SEMA3E: variants seen among roughly 807,000 people sequenced by gnomAD.
SEMA3E encodes semaphorin-3E.
Under a neutral mutation model 93.6 loss-of-function variants are expected in SEMA3E, and 49 were observed. The observed-to-expected ratio is 0.52, with a 90% CI of 0.42 to 0.66. The LOEUF (loss-of-function observed/expected upper bound fraction) is 0.66. Ranked by LOEUF, SEMA3E falls within the 30% of genes least tolerant of loss-of-function variation. The pLI is 0.00. For synonymous variants in SEMA3E, 363 were observed against 330.7 expected (o/e 1.10, Z -1.06); for missense variants, 906 against 964.8 (o/e 0.94, Z 0.81).
chr7:83,516,959 G>A (rs7799273), intron 1 of SEMA3E, among the ~76,000 whole-genome samples: 21,976 of 148,828 alleles, frequency 0.15, 2,200 homozygotes, highest in Middle Eastern at 0.36. Flanking sequence ...ATATATATAT[G>A]TATATAAAAT....
chr7:83,508,430 T>C (rs1790748329), intron 1 of SEMA3E, among the ~76,000 whole-genome samples: 1 of 151,992 alleles, frequency 6.6e-6, no homozygotes, highest in African/African-American at 2.4e-5. Flanking sequence ...ACCCGGCTAA[T>C]TTTGTGTTTT....
At position 83,402,738 on chromosome 7, in the gene SEMA3E, A is replaced by T; in HGVS notation, c.1037T>A (p.Met346Lys). Reference protein sequence around the residue: ...FRGHAICVYHMSSIRAAFNGP... With the variant: ...FRGHAICVYHKSSIRAAFNGP... ...GTTGAAGGCTGCCCGAATGCTAGACATGTGATAGACACATATAGCATGCCC... is the reference window on the plus strand; with the variant it reads ...GTTGAAGGCTGCCCGAATGCTAGACTTGTGATAGACACATATAGCATGCCC... Residue 346 changes from methionine to lysine, a missense_variant, in exon 10 of 17, where the codon ATG becomes AAG. Transcript: ENST00000643230. The T allele has an allele frequency of 6.2e-7, 1 of 1,612,938 alleles. No individual in the cohort carries two copies. The highest frequency in any genetic ancestry group is 8.5e-7 in the Non-Finnish European group (1 of 1,179,184).
At chr7:83,378,052 A>G (rs1456208055) in intron 16 of SEMA3E, among the ~76,000 whole-genome samples, 3 of 152,008 alleles carry the variant, frequency 2.0e-5, no homozygotes, top group African/African-American at 7.2e-5. Flanking sequence ...TATAATTTTA[A>G]CAGTTTTGTC....
intron 1 of SEMA3E, among the ~76,000 whole-genome samples, chr7:83,529,364 T>C (rs1249734568): frequency 6.6e-6 from 1 of 152,128 alleles, no homozygotes; most frequent in African/African-American, 2.4e-5. Context: ...AACCAAGGTA[T>C]AGAGGAGTTA....
At chr7:83,453,170 G>A (rs1310275819) in intron 4 of SEMA3E, among the ~76,000 whole-genome samples, 2 of 151,940 alleles carry the variant, frequency 1.3e-5, no homozygotes, top group Admixed American at 6.6e-5. Flanking sequence ...TGGGATTACA[G>A]GGGCCCACCA....
At chr7:83,444,918 G>A (rs1168397657) in intron 4 of SEMA3E, among the ~76,000 whole-genome samples, 5 of 152,100 alleles carry the variant, frequency 3.3e-5, no homozygotes, top group Non-Finnish European at 5.9e-5. Flanking sequence ...TGATGCGCCC[G>A]TTTTGGCCTC....
chr7:83,635,419 C>A (rs1793862582), intron 1 of SEMA3E, among the ~76,000 whole-genome samples: 2 of 150,976 alleles, frequency 1.3e-5, no homozygotes, highest in Admixed American at 1.3e-4. Flanking sequence ...CCAGTGCTTC[C>A]CATTTCTATT....
intron 4 of SEMA3E, among the ~76,000 whole-genome samples, chr7:83,425,580 T>G (rs6964745): frequency 0.039 from 5,903 of 152,236 alleles, 361 homozygotes; most frequent in African/African-American, 0.13. Flanking sequence ...CCAGAATAAG[T>G]TATTAAGTCC....
At chr7:83,445,654 G>A (rs534645128) in intron 4 of SEMA3E, among the ~76,000 whole-genome samples, 2 of 152,282 alleles carry the variant, frequency 1.3e-5, no homozygotes, top group African/African-American at 2.4e-5. Context: ...GGAGGCAGAC[G>A]TTGCAGTGAG....
rs539161528 is a variant in SEMA3E, at chr7:83,596,670, C to T, written c.115+51758G>A. On this transcript the variant is annotated intron_variant, in intron 1 of 16. Transcript: ENST00000643230. ...AGCAGATGTTGCTTACCAGTCTCTC[C>T]GTACCCAGTTCCCCATTCTTATTCA... Among the ~76,000 whole-genome samples the T allele has an allele frequency of 1.8e-4, 28 of 152,116 alleles. 1 individual carries two copies. In the South Asian group the frequency reaches 4.8e-3, roughly 26 times the overall value.
chr7:83,391,241 T>C (rs1044506117), intron 14 of SEMA3E, among the ~76,000 whole-genome samples: 1 of 152,136 alleles, frequency 6.6e-6, no homozygotes, highest in Non-Finnish European at 1.5e-5. Context: ...TTAAATAAAG[T>C]ATTATATGCA....
chr7:83,473,595 C>T (rs1789947582), intron 2 of SEMA3E, among the ~76,000 whole-genome samples: 1 of 152,112 alleles, frequency 6.6e-6, no homozygotes, highest in East Asian at 1.9e-4. Context: ...AAAAATCTTG[C>T]ATAAAAATCC....
chr7:83,385,242 A>T lies in SEMA3E; in HGVS notation c.1875+52T>A, dbSNP rs1787854071. The stretch of plus-strand genomic sequence containing the variant: ...ATCCAAATAAATCATCTATTTACTG[A>T]TCACACACTATATGCAAAATACTAT... On this transcript the variant is annotated intron_variant, in intron 16 of 16. Coordinates refer to ENST00000643230, the MANE Select transcript of SEMA3E (RefSeq NM_012431.3). The T allele has an allele frequency of 4.4e-6, 7 of 1,598,654 alleles. No individual in the cohort carries two copies. In the South Asian group the frequency reaches 6.6e-5, roughly 15 times the overall value.
intron 16 of SEMA3E, among the ~76,000 whole-genome samples, chr7:83,374,823 G>T (rs1246573041): frequency 6.6e-6 from 1 of 151,988 alleles, no homozygotes; most frequent in African/African-American, 2.4e-5. Context: ...AGTAGAAAAA[G>T]GAGGTCCAGG....
At chr7:83,500,585 T>C (rs1790578584) in intron 1 of SEMA3E, among the ~76,000 whole-genome samples, 1 of 113,778 alleles carries the variant, frequency 8.8e-6, no homozygotes, top group African/African-American at 3.3e-5. Context: ...TATCTAACTT[T>C]CTTCCTTTTT....
chr7:83,585,381 CTTGTT>C (rs1399482123), intron 1 of SEMA3E, among the ~76,000 whole-genome samples: 2 of 152,140 alleles, frequency 1.3e-5, no homozygotes, highest in African/African-American at 2.4e-5. Flanking sequence ...CCAGCATTTT[CTTGTT>C]TTGTTTTATC....
chr7:83,615,217 G>A (rs141038940), intron 1 of SEMA3E, among the ~76,000 whole-genome samples: 33 of 152,174 alleles, frequency 2.2e-4, no homozygotes, highest in African/African-American at 7.9e-4. Flanking sequence ...CTCTCAACAG[G>A]TAACCTGAAA....
intron 1 of SEMA3E, among the ~76,000 whole-genome samples, chr7:83,559,169 A>G (rs1436067382): frequency 2.6e-5 from 4 of 152,158 alleles, no homozygotes; most frequent in Middle Eastern, 3.4e-3. Flanking sequence ...GACAGTTGCT[A>G]ACTGCAGGAG....
chr7:83,573,205 A>C (rs1024751152), intron 1 of SEMA3E, among the ~76,000 whole-genome samples: 1 of 152,140 alleles, frequency 6.6e-6, no homozygotes, highest in Non-Finnish European at 1.5e-5. Context: ...CAAGCAAAAA[A>C]CAAATAATCC....
Sources: gnomAD v4.1 joint callset for allele counts (sites outside exome capture counted in the v4.1 genomes callset) on GRCh38, gnomAD v4.1.1 for gene constraint, MANE v1.5 for transcripts, NCBI Gene and HGNC (gene_info 2026-07-23, HGNC 2026-07-21) for gene names.